The following MALRD1 variants were observed in gnomAD, a reference collection of about 807,000 sequenced individuals.
MALRD1 encodes MAM and LDL-receptor class A domain-containing protein 1.
Under a neutral mutation model 242.1 loss-of-function variants are expected in MALRD1, and 247 were observed. The ratio of observed to expected loss-of-function variants is 1.02; its 90% confidence interval spans 0.92 to 1.13. The LOEUF (loss-of-function observed/expected upper bound fraction) is 1.13. Among genes scored for constraint, MALRD1 ranks in the 50% most tolerant of loss-of-function variants. The pLI is 0.00. For synonymous variants in MALRD1, 995 were observed against 866.6 expected (o/e 1.15, Z -2.60); for missense variants, 2,989 against 2,533.1 (o/e 1.18, Z -3.86).
Position 19,554,421 on chromosome 10 carries a change from G to A in MALRD1, c.5479-13081G>A, listed in dbSNP as rs138530125. ...TTATTTTAAGTTCCAGGGTACATGC[G>A]CAGGATGTGCAGCTTTGTTACATAG... is the stretch of plus-strand genomic sequence containing the variant. On this transcript the variant is annotated intron_variant, in intron 32 of 39. Transcript: ENST00000454679. Among the ~76,000 whole-genome samples, 23 of 152,030 alleles carry A rather than the reference G, an allele frequency of 1.5e-4. No individual in the cohort carries two copies. The South Asian group carries it at 4.4e-3, about 29-fold the overall frequency.
At chr10:19,666,826 A>G (rs1235096706) in intron 36 of MALRD1, among the ~76,000 whole-genome samples, 1 of 152,176 alleles carries the variant, frequency 6.6e-6, no homozygotes, top group Non-Finnish European at 1.5e-5. Context: ...ATAAATCCAC[A>G]AGGGCAGGGC....
intron 32 of MALRD1, 36 bp from the exon 33 acceptor site, chr10:19,567,466 C>A (rs1836306690): frequency 6.6e-7 from 1 of 1,515,788 alleles, no homozygotes; most frequent in African/African-American, 1.4e-5. Context: ...TTCTAATATC[C>A]AATCATAAAA....
At chr10:19,149,354 T>C (rs892509252) in intron 11 of MALRD1, among the ~76,000 whole-genome samples, 19 of 152,052 alleles carry the variant, frequency 1.2e-4, no homozygotes, top group Non-Finnish European at 7.4e-5. Flanking sequence ...GTTGATATTA[T>C]CTAGTTTTTG....
At chr10:19,080,699 T>G (rs908765892) in intron 2 of MALRD1, among the ~76,000 whole-genome samples, 1 of 151,842 alleles carries the variant, frequency 6.6e-6, no homozygotes, top group Non-Finnish European at 1.5e-5. Context: ...ATTCATGACA[T>G]AGACACAAGC....
chr10:19,330,660 G>T (rs904413782), intron 23 of MALRD1, among the ~76,000 whole-genome samples: 1 of 152,042 alleles, frequency 6.6e-6, no homozygotes, highest in Non-Finnish European at 1.5e-5. Flanking sequence ...TCCAAGCAAT[G>T]GTATTGTTGA....
chr10:19,081,932 G>T (rs1835503657), intron 2 of MALRD1, among the ~76,000 whole-genome samples: 2 of 151,898 alleles, frequency 1.3e-5, no homozygotes, highest in South Asian at 4.1e-4. Context: ...CATATGGTTA[G>T]ATCATGTTTT....
At chr10:19,559,945 C>T (rs1835890614) in intron 32 of MALRD1, among the ~76,000 whole-genome samples, 1 of 152,148 alleles carries the variant, frequency 6.6e-6, no homozygotes, top group Admixed American at 6.5e-5. Flanking sequence ...ATTATATATA[C>T]TATCTCACAC....
intron 8 of MALRD1, among the ~76,000 whole-genome samples, chr10:19,133,653 C>G (rs899929538): frequency 2.0e-5 from 3 of 152,136 alleles, no homozygotes; most frequent in African/African-American, 7.2e-5. Context: ...CAAAAAGCAG[C>G]TTTACTACAT....
chr10:19,655,548 A>G (rs1274133563), intron 36 of MALRD1, among the ~76,000 whole-genome samples: 1 of 141,626 alleles, frequency 7.1e-6, no homozygotes, highest in African/African-American at 2.6e-5. Flanking sequence ...ATATATATAT[A>G]TATATATATA....
At chr10:19,157,480 C>A (rs914156015) in intron 12 of MALRD1, among the ~76,000 whole-genome samples, 1 of 152,018 alleles carries the variant, frequency 6.6e-6, no homozygotes, top group Non-Finnish European at 1.5e-5. Context: ...ATCTCCTGAC[C>A]TCGTGATTCA....
intron 28 of MALRD1, among the ~76,000 whole-genome samples, chr10:19,403,923 TCAAAAG>T (rs1448666465): frequency 6.6e-6 from 1 of 152,084 alleles, no homozygotes; most frequent in African/African-American, 2.4e-5. Context: ...TTCTTGGTAG[TCAAAAG>T]AATATAAAAC....
rs552587082 is a variant in MALRD1 at position 19,552,784 on chromosome 10, A to G, written c.5479-14718A>G. ...TGCAAAGCATTAGTAGTTACACTGT[A>G]ATAACTTATACACAATAAACATCAA... On this transcript the variant is annotated intron_variant, in intron 32 of 39. Transcript: ENST00000454679. 6.6e-5 allele frequency among the ~76,000 whole-genome samples: 10 copies of G among 152,200 alleles called. No individual in the cohort carries two copies. In the South Asian group the frequency reaches 2.1e-3, roughly 32 times the overall value.
In MALRD1 at chr10:19,341,780, T is replaced by A. The variant is rs76172037; in HGVS notation, c.3902-5991T>A. Among the ~76,000 whole-genome samples, 638 of 151,716 alleles carry A rather than the reference T, an allele frequency of 4.2e-3. 18 individuals are homozygous for A. In the East Asian group the frequency reaches 0.07, roughly 17 times the overall value. Reference sequence around the variant, plus strand: ...ACGATATGCGATGTAACTGAAGGAGTTAAAAAAACAAAGACATTTTTAAAA... The same window carrying A: ...ACGATATGCGATGTAACTGAAGGAGATAAAAAAACAAAGACATTTTTAAAA... On this transcript the variant is annotated intron_variant, in intron 24 of 39. Coordinates refer to ENST00000454679, the MANE Select transcript of MALRD1 (RefSeq NM_001142308.3).
At chr10:19,479,697 A>G (rs1259823495) in intron 29 of MALRD1, among the ~76,000 whole-genome samples, 2 of 152,214 alleles carry the variant, frequency 1.3e-5, no homozygotes, top group Non-Finnish European at 2.9e-5. Context: ...TCCCAAAAAA[A>G]CATAATCCAG....
intron 32 of MALRD1, among the ~76,000 whole-genome samples, chr10:19,539,270 G>A (rs965865681): frequency 6.6e-6 from 1 of 152,066 alleles, no homozygotes; most frequent in Non-Finnish European, 1.5e-5. Flanking sequence ...CAAAGCTTCA[G>A]GAATTTGTCC....
chr10:19,401,151 G>A (rs576132921), intron 28 of MALRD1, among the ~76,000 whole-genome samples: 8 of 152,120 alleles, frequency 5.3e-5, no homozygotes, highest in Non-Finnish European at 1.2e-4. Flanking sequence ...TAGTAATTAA[G>A]GATATGATAT....
At chr10:19,260,087 C>A (rs1173911915) in intron 19 of MALRD1, among the ~76,000 whole-genome samples, 1 of 152,102 alleles carries the variant, frequency 6.6e-6, no homozygotes, top group African/African-American at 2.4e-5. Flanking sequence ...GTTTTATATA[C>A]TCTCGTTATA....
chr10:19,126,309 C>G (rs1301393337), intron 7 of MALRD1, among the ~76,000 whole-genome samples: 1 of 152,082 alleles, frequency 6.6e-6, no homozygotes, highest in Non-Finnish European at 1.5e-5. Flanking sequence ...GTAATTCTCT[C>G]TTACTCCCTC....
intron 11 of MALRD1, 39 bp from the exon 12 acceptor site, chr10:19,155,036 A>T (rs1432732863): frequency 8.8e-7 from 1 of 1,131,414 alleles, no homozygotes; most frequent in Non-Finnish European, 1.1e-6. Flanking sequence ...AGTGTGTAAG[A>T]GAACTTGCAT....
Sources: gnomAD v4.1 joint callset for allele counts (sites outside exome capture counted in the v4.1 genomes callset) on GRCh38, gnomAD v4.1.1 for gene constraint, MANE v1.5 for transcripts, NCBI Gene and HGNC (gene_info 2026-07-23, HGNC 2026-07-21) for gene names.